SYT3: variants seen among roughly 807,000 people sequenced by gnomAD.
SYT3 encodes the protein synaptotagmin-3.
A neutral mutation model predicts 50.6 loss-of-function variants in SYT3; 25 were observed. That is an observed-to-expected ratio of 0.49 (90% CI 0.36 to 0.69). The LOEUF (loss-of-function observed/expected upper bound fraction) is 0.69. Ranked by LOEUF, SYT3 falls within the 30% of genes least tolerant of loss-of-function variation. The pLI is 0.00. For synonymous variants in SYT3, 323 were observed against 353.9 expected (o/e 0.91, Z 0.98); for missense variants, 589 against 793.6 (o/e 0.74, Z 3.10).
At chr19:50,636,377 A>G (rs1267330412) in intron 3 of SYT3, among the ~76,000 whole-genome samples, 1 of 152,182 alleles carries the variant, frequency 6.6e-6, no homozygotes, top group Non-Finnish European at 1.5e-5. Context: ...GCTGTACTAG[A>G]CTATGCAGGA....
chr19:50,631,167 C>CTTTTTTTTTTTTTTTTTTTTTT (rs869146014), intron 4 of SYT3, among the ~76,000 whole-genome samples: 1 of 20,718 alleles, frequency 4.8e-5, no homozygotes, highest in Non-Finnish European at 1.2e-4. Context: ...TTCTTTCTTT[C>CTTTTTTTTTTTTTTTTTTTTTT]TTTTTTTTTT....
the SYT3 span, among the ~76,000 whole-genome samples, chr19:50,654,599 GTCCC>G: frequency 6.8e-6 from 1 of 147,570 alleles, no homozygotes; most frequent in Non-Finnish European, 1.5e-5. Context: ...ACCAGGCTCC[GTCCC>G]TCCCTCCCTC....
intron 10 of SYT3, 66 bp downstream of exon 10, chr19:50,622,621 A>G (rs1194234624): frequency 2.6e-5 from 28 of 1,079,410 alleles, no homozygotes; most frequent in Non-Finnish European, 4.0e-5. Flanking sequence ...CCAGGCCCCC[A>G]GCCCCTCCTC....
At chr19:50,636,990 G>A (rs1351355954) in intron 3 of SYT3, among the ~76,000 whole-genome samples, 24 of 152,198 alleles carry the variant, frequency 1.6e-4, no homozygotes, top group Non-Finnish European at 5.9e-5. Flanking sequence ...TGACTCAAGA[G>A]CCTGACATTT....
intron 10 of SYT3, 85 bp downstream of exon 10, chr19:50,622,602 C>G (rs1373374487): frequency 5.2e-6 from 5 of 960,966 alleles, no homozygotes; most frequent in Non-Finnish European, 8.5e-6. Flanking sequence ...CTCCCTCAGA[C>G]CCAGGAGTCC....
At chr19:50,640,960 G>A (rs1361053938), upstream of SYT3, among the ~76,000 whole-genome samples, 1 of 152,024 alleles carries the variant, frequency 6.6e-6, no homozygotes, top group Non-Finnish European at 1.5e-5. Flanking sequence ...GCTGACACCT[G>A]TAAATCCCAA....
chr19:50,629,522 G>A lies in SYT3; in HGVS notation c.1063-10C>T. On this transcript the variant is annotated splice_polypyrimidine_tract_variant and intron_variant, in intron 5 of 10. Transcript: ENST00000600079. ...GGGTCTTCCTGTGCACCTGGTGGTG[G>A]TGGGCGACAGGAGACAGACACCGTG... 6.8e-6 allele frequency: 11 copies of A among 1,610,376 alleles called. No individual in the cohort carries two copies. Among genetic ancestry groups the A allele is most frequent in the Non-Finnish European group, 9.3e-6 (11 of 1,177,896 alleles).
At chr19:50,646,436 T>C in the SYT3 span, among the ~76,000 whole-genome samples, 1 of 151,940 alleles carries the variant, frequency 6.6e-6, no homozygotes, top group Non-Finnish European at 1.5e-5. Context: ...GTCACAGAAA[T>C]AGAGGGAAAT....
intron 6 of SYT3, among the ~76,000 whole-genome samples, chr19:50,627,476 T>C (rs1325741170): frequency 6.6e-6 from 1 of 152,102 alleles, no homozygotes; most frequent in East Asian, 1.9e-4. Flanking sequence ...ATCCCAGCAC[T>C]TTGGGAGGCT....
At chr19:50,650,896 G>A in the SYT3 span, among the ~76,000 whole-genome samples, 1 of 152,240 alleles carries the variant, frequency 6.6e-6, no homozygotes, top group Non-Finnish European at 1.5e-5. Context: ...CCTAGACTGA[G>A]GCACCCACGT....
the SYT3 span, chr19:50,656,260 G>C: frequency 6.5e-7 from 1 of 1,536,148 alleles, no homozygotes; most frequent in Non-Finnish European, 8.7e-7. Context: ...TGCAGAGTAC[G>C]AGGCACTGGA....
chr19:50,654,613 C>CCCTT, the SYT3 span, among the ~76,000 whole-genome samples: 54 of 149,250 alleles, frequency 3.6e-4, no homozygotes, highest in East Asian at 3.0e-3. Context: ...CTCCCTCCCT[C>CCCTT]CCTTCCTTCC....
In SYT3 at chr19:50,625,044, T is replaced by C; in HGVS notation, c.1707+118A>G. ...ACAGCTAAAGTTGGCACAGCAGGGA[T>C]TGAAACCTAGGACGCCTGGCTCTGC... On this transcript the variant is annotated intron_variant, in intron 9 of 10. Coordinates refer to ENST00000600079, the MANE Select transcript of SYT3 (RefSeq NM_001160329.2). This position sits in a 1 kb window ranked among gnomAD's most constrained non-coding sequence, Gnocchi z 7.5. 1 of 1,168,816 alleles carries C rather than the reference T, an allele frequency of 8.6e-7. No individual in the cohort carries two copies. The highest frequency in any genetic ancestry group is 1.1e-6 in the Non-Finnish European group (1 of 894,564). The allele number at this position is 1,168,816 out of a possible 1,614,324, so 72.4% of individuals were successfully genotyped here.
intron 2 of SYT3, among the ~76,000 whole-genome samples, chr19:50,638,679 T>C (rs1028826954): frequency 2.0e-5 from 3 of 151,522 alleles, no homozygotes; most frequent in Non-Finnish European, 2.9e-5. Flanking sequence ...TGGGCAGAAA[T>C]ATCTTTGAAA....
At position 50,625,452 on chromosome 19, in the gene SYT3, G is replaced by A. The variant is rs975281788; in HGVS notation, c.1515C>T (p.Asp505=). Residue 505 remains aspartate (D), a synonymous_variant, in exon 8 of 11, where the codon GAC becomes GAT. Transcript: ENST00000600079. The surrounding 1 kb of genome is among the most constrained non-coding windows in gnomAD (Gnocchi z 7.5). ...CGTTCTCCACGCTCTCGGGGGCCAC[G>A]TCGAACACCAGCGCCTCATTATAGG... ...NPTYNEALVF[D]VAPESVENVG... 4 of 1,588,738 alleles carry A rather than the reference G, an allele frequency of 2.5e-6. No individual in the cohort carries two copies. The highest frequency in any genetic ancestry group is 2.6e-6 in the Non-Finnish European group (3 of 1,167,400).
Position 50,623,613 on chromosome 19 carries a change from C to CAAAAAAAAAAA in SYT3, c.1708-869_1708-859dup, listed in dbSNP as rs529397903. On this transcript the variant is annotated intron_variant, in intron 9 of 10. Transcript: ENST00000600079. ...ACAACATGGCAAAACCCTGTCTCTA[C>CAAAAAAAAAAA]AAAAAAAAAAAAAAAAAAAAAAAAA... Among the ~76,000 whole-genome samples the CAAAAAAAAAAA allele has an allele frequency of 6.6e-4, 60 of 91,602 alleles. 1 individual carries two copies. Among genetic ancestry groups the CAAAAAAAAAAA allele is most frequent in the Non-Finnish European group, 8.5e-4 (41 of 48,478 alleles). 60.1% of individuals were successfully genotyped at this position (91,602 alleles called of 152,430 possible).
the SYT3 span, among the ~76,000 whole-genome samples, chr19:50,651,399 C>A: frequency 6.6e-6 from 1 of 152,202 alleles, no homozygotes; most frequent in South Asian, 2.1e-4. Flanking sequence ...TCTAGAGAGC[C>A]TTCCCTGATT....
upstream of SYT3, among the ~76,000 whole-genome samples, chr19:50,643,351 C>T (rs1223092892): frequency 2.0e-5 from 3 of 151,778 alleles, no homozygotes. Context: ...CGTCCTTGTG[C>T]CTTCTTGCAT....
chr19:50,643,084 G>A (rs1984705528), upstream of SYT3, among the ~76,000 whole-genome samples: 1 of 151,680 alleles, frequency 6.6e-6, no homozygotes, highest in Non-Finnish European at 1.5e-5. Flanking sequence ...AACTGTATGG[G>A]TCTGGACCAA....
Sources: allele counts gnomAD v4.1 joint callset (sites outside exome capture counted in the v4.1 genomes callset), GRCh38; gene constraint gnomAD v4.1.1; non-coding constraint Gnocchi (gnomAD v3.1); transcripts MANE v1.5; gene names NCBI Gene and HGNC (gene_info 2026-07-23, HGNC 2026-07-21).